The following ARK2C variants were observed in gnomAD, a reference collection of about 807,000 sequenced individuals.
ARK2C encodes the protein E3 ubiquitin-protein ligase ARK2C.
chr18:46,411,866 G>T, the ARK2C span, among the ~76,000 whole-genome samples: 3 of 152,214 alleles, frequency 2.0e-5, no homozygotes, highest in African/African-American at 7.2e-5. Flanking sequence ...CACCTCCCTG[G>T]TCCCTTTCTC....
the ARK2C span, among the ~76,000 whole-genome samples, chr18:46,373,075 G>C: frequency 6.6e-6 from 1 of 152,228 alleles, no homozygotes; most frequent in African/African-American, 2.4e-5. Context: ...TGTGTCAAAA[G>C]GTAGGCTAGA....
the ARK2C span, among the ~76,000 whole-genome samples, chr18:46,431,200 A>G: frequency 6.6e-6 from 1 of 152,152 alleles, no homozygotes; most frequent in African/African-American, 2.4e-5. Flanking sequence ...AGTTTCATCC[A>G]TGTCCCTGCA....
At chr18:46,346,051 G>T in the ARK2C span, among the ~76,000 whole-genome samples, 1 of 152,190 alleles carries the variant, frequency 6.6e-6, no homozygotes, top group South Asian at 2.1e-4. Context: ...AGTGGCACGA[G>T]CTATGGCAGC....
the ARK2C span, among the ~76,000 whole-genome samples, chr18:46,412,746 G>A: frequency 2.0e-5 from 3 of 152,098 alleles, no homozygotes; most frequent in Admixed American, 1.3e-4. Flanking sequence ...TGACAAGGCC[G>A]CCTCGGGCAG....
At chr18:46,337,269 A>T in the ARK2C span, 1 of 985,478 alleles carries the variant, frequency 1.0e-6, no homozygotes, top group Non-Finnish European at 1.2e-6. Flanking sequence ...GTTTTCCATT[A>T]AACAGGGGTA....
chr18:46,431,071 G>A, the ARK2C span, among the ~76,000 whole-genome samples: 1 of 152,092 alleles, frequency 6.6e-6, no homozygotes, highest in Admixed American at 6.5e-5. Flanking sequence ...AGGCCCCGGT[G>A]TGTGATGTTC....
chr18:46,343,947 C>T, the ARK2C span, among the ~76,000 whole-genome samples: 3 of 152,338 alleles, frequency 2.0e-5, no homozygotes, highest in Non-Finnish European at 4.4e-5. Context: ...TGCTGCTGCT[C>T]TTGTTGGGCC....
the ARK2C span, among the ~76,000 whole-genome samples, chr18:46,422,387 T>C: frequency 1.3e-5 from 2 of 152,318 alleles, no homozygotes; most frequent in East Asian, 1.9e-4. Context: ...GTGTGGGCCA[T>C]TGAGAGACTC....
chr18:46,373,371 C>A, the ARK2C span, among the ~76,000 whole-genome samples: 1 of 152,274 alleles, frequency 6.6e-6, no homozygotes, highest in South Asian at 2.1e-4. Flanking sequence ...GGCGGCTGGC[C>A]TGCCAGGTAC....
chr18:46,444,630 A>C, the ARK2C span, among the ~76,000 whole-genome samples: 56 of 150,792 alleles, frequency 3.7e-4, no homozygotes, highest in Admixed American at 3.6e-3. Flanking sequence ...TACCCAACTA[A>C]TTTAAACATT....
the ARK2C span, among the ~76,000 whole-genome samples, chr18:46,338,960 C>T: frequency 6.6e-6 from 1 of 152,172 alleles, no homozygotes; most frequent in South Asian, 2.1e-4. Context: ...ATGCAACTCT[C>T]CTCTCCCCCC....
chr18:46,390,103 C>A, the ARK2C span, among the ~76,000 whole-genome samples: 1 of 152,208 alleles, frequency 6.6e-6, no homozygotes, highest in Non-Finnish European at 1.5e-5. Context: ...GGCTTCCCTG[C>A]CTTCTGCAAA....
At chr18:46,360,708 C>G in the ARK2C span, among the ~76,000 whole-genome samples, 1 of 152,192 alleles carries the variant, frequency 6.6e-6, no homozygotes, top group African/African-American at 2.4e-5. Context: ...CTGCCCCTGG[C>G]CTGCCTTCAC....
the ARK2C span, among the ~76,000 whole-genome samples, chr18:46,354,273 A>T: frequency 6.6e-6 from 1 of 152,234 alleles, no homozygotes; most frequent in East Asian, 1.9e-4. Context: ...TTGCTAGGCC[A>T]GGGATTGGGG....
the ARK2C span, among the ~76,000 whole-genome samples, chr18:46,351,150 G>C: frequency 6.6e-6 from 1 of 152,224 alleles, no homozygotes; most frequent in Admixed American, 6.5e-5. Context: ...CTGGGAGGAG[G>C]CCCTGGAAGA....
chr18:46,440,832 T>G, the ARK2C span, among the ~76,000 whole-genome samples: 1 of 152,166 alleles, frequency 6.6e-6, no homozygotes, highest in African/African-American at 2.4e-5. Context: ...TTTTTACATC[T>G]TTGTTCATGA....
At chr18:46,438,278 G>C in the ARK2C span, among the ~76,000 whole-genome samples, 2 of 152,210 alleles carry the variant, frequency 1.3e-5, no homozygotes, top group East Asian at 3.9e-4. Context: ...TGCTGCCTTA[G>C]GGGCTAATTT....
the ARK2C span, among the ~76,000 whole-genome samples, chr18:46,442,271 C>T: frequency 1.3e-5 from 2 of 151,850 alleles, no homozygotes; most frequent in African/African-American, 4.8e-5. Flanking sequence ...TTCCTCCCTT[C>T]TACTTATTTG....
chr18:46,380,307 G>A, the ARK2C span, among the ~76,000 whole-genome samples: 8 of 152,352 alleles, frequency 5.3e-5, no homozygotes, highest in Admixed American at 2.0e-4. Flanking sequence ...TGGTGCCCAC[G>A]GGGGCTGTTG....
Sources: gnomAD v4.1 joint callset for allele counts (sites outside exome capture counted in the v4.1 genomes callset) on GRCh38, gnomAD v4.1.1 for gene constraint, MANE v1.5 for transcripts, NCBI Gene and HGNC (gene_info 2026-07-23, HGNC 2026-07-21) for gene names.